Variants in MICAL3 observed in about 807,000 individuals in gnomAD.
MICAL3 encodes [F-actin]-monooxygenase MICAL3.
Under a neutral mutation model 207.4 loss-of-function variants are expected in MICAL3, and 62 were observed. The observed-to-expected ratio is 0.30, with a 90% CI of 0.24 to 0.37. MICAL3 has a LOEUF of 0.37. MICAL3 is among the 10% of genes least tolerant of loss of function. The pLI, the probability that MICAL3 is intolerant of heterozygous loss-of-function variation, is 1.00. For missense variants in MICAL3, 2,368 were observed against 2,635.6 expected, an observed-to-expected ratio of 0.90 and a Z score of 2.22; for synonymous variants, 1,077 against 1,069.3, an observed-to-expected ratio of 1.01 and a Z score of -0.14.
chr22:18,005,465 C>A (rs1185065727), intron 1 of MICAL3: 1 of 152,160 alleles, frequency 6.6e-6, no homozygotes, highest in East Asian at 1.9e-4. Context: ...TGAACACAAC[C>A]TTTTTACATG....
chr22:17,897,313 C>T (rs1412262496), intron 7 of MICAL3, among the ~76,000 whole-genome samples: 6 of 150,020 alleles, frequency 4.0e-5, no homozygotes, highest in Non-Finnish European at 7.4e-5. Context: ...ACCCCAGCTA[C>T]TTGGGAAGCT....
intron 1 of MICAL3, among the ~76,000 whole-genome samples, chr22:17,912,385 T>A (rs971244454): frequency 1.4e-5 from 2 of 148,140 alleles, no homozygotes; most frequent in Non-Finnish European, 3.0e-5. Context: ...AAAAAAAAAA[T>A]CATTGGGATT....
intron 1 of MICAL3, among the ~76,000 whole-genome samples, chr22:17,985,441 C>A (rs1361073771): frequency 6.6e-6 from 1 of 152,094 alleles, no homozygotes; most frequent in Non-Finnish European, 1.5e-5. Context: ...CCTTGCCTTG[C>A]AGATTCCACA....
rs540074736 is a variant in MICAL3, at chr22:17,908,464, C to G, written c.-74-1578G>C. 7.1e-4 allele frequency among the ~76,000 whole-genome samples: 108 copies of G among 152,248 alleles called. 1 individual carries two copies. Among genetic ancestry groups the G allele is most frequent in the Non-Finnish European group, 4.3e-4 (29 of 68,014 alleles). Reference sequence around the variant, plus strand: ...CTGGGACTACAGGCACCCGCCACCACGCCCGGCTAATTTTTTGTATTTTTA... The same window carrying G: ...CTGGGACTACAGGCACCCGCCACCAGGCCCGGCTAATTTTTTGTATTTTTA... On this transcript the variant is annotated intron_variant, in intron 1 of 31. Coordinates refer to ENST00000441493, the MANE Select transcript of MICAL3 (RefSeq NM_015241.3).
rs1009250144 is a variant in MICAL3 at position 17,958,142 on chromosome 22, C to T, written c.-74-51256G>A. Among the ~76,000 whole-genome samples, 15 of 152,146 alleles carry T rather than the reference C, an allele frequency of 9.9e-5. No homozygotes were observed. The East Asian group carries it at 2.5e-3, about 25-fold the overall frequency. On this transcript the variant is annotated intron_variant, in intron 1 of 31. Coordinates refer to ENST00000441493, the MANE Select transcript of MICAL3 (RefSeq NM_015241.3). ...AATTAAAATAACGTGGACCCCATTACAATTAACCTATGACACTTTTTGGAT... is the reference window on the plus strand; with the variant it reads ...AATTAAAATAACGTGGACCCCATTATAATTAACCTATGACACTTTTTGGAT...
chr22:17,898,513 A>G (rs1931050594), intron 7 of MICAL3, among the ~76,000 whole-genome samples: 1 of 152,148 alleles, frequency 6.6e-6, no homozygotes, highest in South Asian at 2.1e-4. Flanking sequence ...GCTGTCATAT[A>G]AGGTAGTACT....
At chr22:17,963,372 G>C (rs1164479429) in intron 1 of MICAL3, among the ~76,000 whole-genome samples, 1 of 152,140 alleles carries the variant, frequency 6.6e-6, no homozygotes, top group East Asian at 1.9e-4. Flanking sequence ...CCCATGGCGT[G>C]AGATGAAATG....
Position 17,871,964 on chromosome 22 carries a change from G to A in MICAL3, c.2301C>T (p.Cys767=), listed in dbSNP as rs1464381367. The A allele has an allele frequency of 1.2e-6, 2 of 1,611,066 alleles. No individual in the cohort carries two copies. The highest frequency in any genetic ancestry group is 1.3e-5 in the African/African-American group (1 of 75,022). Residue 767 remains cysteine (C), a synonymous_variant, in exon 17 of 32, where the codon TGC becomes TGT. Coordinates refer to ENST00000441493, the MANE Select transcript of MICAL3 (RefSeq NM_015241.3). The stretch of plus-strand genomic sequence containing the variant: ...TCTCCATCACGTAGACCCGCTTCTG[G>A]CAGAAGTAGCATGTGTCGCTGCCTC... ...NLGGSDTCYF[C]QKRVYVMERL...
At chr22:17,881,356 G>A (rs1929413674) in intron 16 of MICAL3, 1 of 1,429,278 alleles carries the variant, frequency 7.0e-7, no homozygotes. Flanking sequence ...CAGTGGCCAT[G>A]TGGAAGCTGG....
chr22:17,876,924 G>C (rs1269703311), intron 16 of MICAL3: 17 of 132,438 alleles, frequency 1.3e-4, no homozygotes, highest in East Asian at 6.6e-4. Flanking sequence ...GGTTATGGAG[G>C]TTAGGGAGGT....
At chr22:17,810,885 C>G in intron 27 of MICAL3, 72 bp from the exon 28 acceptor site, 1 of 1,201,326 alleles carries the variant, frequency 8.3e-7, no homozygotes. Context: ...AGCAGGCCAA[C>G]AGGGGCCTGG....
chr22:17,977,571 A>C (rs1008574690), intron 1 of MICAL3, among the ~76,000 whole-genome samples: 1 of 152,068 alleles, frequency 6.6e-6, no homozygotes, highest in African/African-American at 2.4e-5. Flanking sequence ...ACAAGTGTTG[A>C]CAAGGATGTG....
chr22:17,856,143 C>T (rs1925862996), intron 19 of MICAL3, among the ~76,000 whole-genome samples: 1 of 152,272 alleles, frequency 6.6e-6, no homozygotes, highest in South Asian at 2.1e-4. Flanking sequence ...TACTGTGTGT[C>T]TCCCAGCATC....
Position 17,817,498 on chromosome 22 carries a change from C to T in MICAL3, c.5163G>A (p.Pro1721=), listed in dbSNP as rs140578646. The change falls in exon 26 of 32, where the codon CCG becomes CCA. Residue 1721 remains proline, a synonymous_variant. Coordinates refer to ENST00000441493, the MANE Select transcript of MICAL3 (RefSeq NM_015241.3). ...CTAGGAGGTTGGAGCTGGGCTTCTCCGGGGGCCGGCCCTCGCCTTTGGACT... is the reference window on the plus strand; with the variant it reads ...CTAGGAGGTTGGAGCTGGGCTTCTCTGGGGGCCGGCCCTCGCCTTTGGACT... ...EKKSKGEGRP[P]EKPSSNLLEE... 15,702 of 1,613,586 alleles carry T rather than the reference C, an allele frequency of 9.7e-3. 135 individuals carry two copies. Among genetic ancestry groups the T allele is most frequent in the African/African-American group, 0.027 (2,025 of 75,012 alleles).
intron 1 of MICAL3, among the ~76,000 whole-genome samples, chr22:17,966,053 G>A (rs1284069316): frequency 2.0e-5 from 3 of 152,202 alleles, no homozygotes; most frequent in East Asian, 1.9e-4. Context: ...AACTAGAGAG[G>A]AGTCGGAGGT....
intron 1 of MICAL3, among the ~76,000 whole-genome samples, chr22:18,022,249 T>C (rs529837895): frequency 1.3e-5 from 2 of 152,282 alleles, no homozygotes; most frequent in East Asian, 3.9e-4. Context: ...GATTTTACCC[T>C]GGGACTCCAA....
At chr22:17,886,583 T>C (rs981281420) in intron 15 of MICAL3, among the ~76,000 whole-genome samples, 2 of 152,036 alleles carry the variant, frequency 1.3e-5, no homozygotes, top group African/African-American at 4.8e-5. Flanking sequence ...GGTGGGCGGA[T>C]CACTTGAGGT....
chr22:17,891,428 G>C (rs1025487808), intron 12 of MICAL3, 57 bp downstream of exon 12: 43 of 1,507,254 alleles, frequency 2.9e-5, no homozygotes, highest in East Asian at 4.5e-5. Context: ...CTTGATAGCA[G>C]AGTGGTCTGA....
chr22:17,946,303 A>G (rs1238245973), intron 1 of MICAL3, among the ~76,000 whole-genome samples: 1 of 152,224 alleles, frequency 6.6e-6, no homozygotes, highest in Non-Finnish European at 1.5e-5. Context: ...AAGCTGCCTC[A>G]TACCTTGTGG....
Sources: gnomAD v4.1 joint callset for allele counts (sites outside exome capture counted in the v4.1 genomes callset) on GRCh38, gnomAD v4.1.1 for gene constraint, MANE v1.5 for transcripts, NCBI Gene and HGNC (gene_info 2026-07-23, HGNC 2026-07-21) for gene names.